The following KALRN variants were observed in gnomAD, a reference collection of about 807,000 sequenced individuals.
The protein encoded by KALRN is kalirin.
In KALRN, 70 loss-of-function variants were observed where a neutral mutation model predicts 353.7. That is an observed-to-expected ratio of 0.20 (90% CI 0.16 to 0.24). The LOEUF is 0.24. Ranked by LOEUF, KALRN falls within the 10% of genes least tolerant of loss-of-function variation. The pLI is 1.00. For synonymous variants in KALRN, 1,391 were observed against 1,434.8 expected (o/e 0.97, Z 0.69); for missense variants, 2,791 against 3,756.7 (o/e 0.74, Z 6.72).
intron 1 of KALRN, among the ~76,000 whole-genome samples, chr3:124,103,206 C>T (rs2062017117): frequency 6.6e-6 from 1 of 152,172 alleles, no homozygotes; most frequent in South Asian, 2.1e-4. Flanking sequence ...GTGAACTACC[C>T]AGGCAAGATG....
intron 7 of KALRN, among the ~76,000 whole-genome samples, chr3:124,326,980 T>C (rs1383075865): frequency 6.6e-6 from 1 of 152,218 alleles, no homozygotes; most frequent in African/African-American, 2.4e-5. Flanking sequence ...TTTTCTGTGG[T>C]GGAAATACCG....
chr3:124,292,674 G>A (rs529303934), intron 5 of KALRN, among the ~76,000 whole-genome samples: 35 of 152,246 alleles, frequency 2.3e-4, no homozygotes, highest in African/African-American at 4.3e-4. Context: ...GTGGGTGGGC[G>A]GTGGATGTGT....
chr3:124,386,625 T>C (rs1329960024), intron 11 of KALRN, among the ~76,000 whole-genome samples: 5 of 152,212 alleles, frequency 3.3e-5, no homozygotes, highest in African/African-American at 1.2e-4. Flanking sequence ...ATCTATAAAA[T>C]TATGCAGTTG....
chr3:124,641,451 T>A (rs2082034075), intron 37 of KALRN, among the ~76,000 whole-genome samples: 1 of 152,240 alleles, frequency 6.6e-6, no homozygotes, highest in Admixed American at 6.5e-5. Context: ...TCTAGACGTG[T>A]GGACTGTTGC....
intron 34 of KALRN, among the ~76,000 whole-genome samples, chr3:124,567,968 CTA>C (rs1561306989): frequency 6.6e-6 from 1 of 151,398 alleles, no homozygotes; most frequent in African/African-American, 2.4e-5. Context: ...GAGTGAGACT[CTA>C]TCTCAGGGGG....
intron 27 of KALRN, among the ~76,000 whole-genome samples, chr3:124,481,294 C>T (rs2061959407): frequency 6.6e-6 from 1 of 152,124 alleles, no homozygotes; most frequent in African/African-American, 2.4e-5. Context: ...GCAGCCTTGA[C>T]CTTCTGGGCT....
intron 1 of KALRN, among the ~76,000 whole-genome samples, chr3:124,069,249 A>G (rs550848856): frequency 3.4e-5 from 5 of 148,386 alleles, no homozygotes; most frequent in African/African-American, 1.0e-4. Context: ...CTATTTGTCT[A>G]TTTCTGTAGT....
At chr3:124,229,920 A>T (rs1161745299) in intron 2 of KALRN, among the ~76,000 whole-genome samples, 2 of 152,244 alleles carry the variant, frequency 1.3e-5, no homozygotes, top group Non-Finnish European at 2.9e-5. Context: ...GCCACTGAAG[A>T]TGTTGAACAG....
intron 34 of KALRN, among the ~76,000 whole-genome samples, chr3:124,590,316 C>T (rs2075648488): frequency 6.6e-6 from 1 of 152,122 alleles, no homozygotes; most frequent in African/African-American, 2.4e-5. Flanking sequence ...GAATATCCCT[C>T]CTGTGGTACA....
chr3:124,145,176 T>C (rs1472811318), intron 1 of KALRN, among the ~76,000 whole-genome samples: 1 of 152,164 alleles, frequency 6.6e-6, no homozygotes, highest in Non-Finnish European at 1.5e-5. Flanking sequence ...TAAGGCCATG[T>C]TCGCATTTGC....
intron 1 of KALRN, among the ~76,000 whole-genome samples, chr3:124,036,676 T>G (rs1440252586): frequency 6.6e-6 from 1 of 152,238 alleles, no homozygotes; most frequent in African/African-American, 2.4e-5. Context: ...CTGAGAAAGC[T>G]TCAAACAAAT....
At position 124,671,071 on chromosome 3, in the gene KALRN, C is replaced by G. The variant is rs1023373823; in HGVS notation, c.6704-589C>G. Among the ~76,000 whole-genome samples the G allele has an allele frequency of 2.6e-5, 4 of 152,324 alleles. No homozygotes were observed. The South Asian group carries it at 8.3e-4, about 32-fold the overall frequency. Reference sequence around the variant, plus strand: ...GCTTCTGAATTAGACAAGAAGCCTTCTGTCTCATCCTCTCCAGTCCCTCCT... The same window carrying G: ...GCTTCTGAATTAGACAAGAAGCCTTGTGTCTCATCCTCTCCAGTCCCTCCT... On this transcript the variant is annotated intron_variant, in intron 47 of 59. Coordinates refer to ENST00000682506, the MANE Select transcript of KALRN (RefSeq NM_001388419.1).
chr3:124,352,295 A>G (rs1293625379), intron 10 of KALRN, among the ~76,000 whole-genome samples: 1 of 152,196 alleles, frequency 6.6e-6, no homozygotes, highest in Non-Finnish European at 1.5e-5. Flanking sequence ...AATAGAATGT[A>G]GTACTGTTAT....
At chr3:124,391,207 T>C (rs2089321811) in intron 11 of KALRN, among the ~76,000 whole-genome samples, 1 of 151,040 alleles carries the variant, frequency 6.6e-6, no homozygotes, top group Non-Finnish European at 1.5e-5. Flanking sequence ...ACATATATTT[T>C]GATCAAGAAG....
intron 13 of KALRN, 125 bp downstream of exon 13, chr3:124,398,996 C>G (rs2150099498): frequency 2.1e-6 from 2 of 945,782 alleles, no homozygotes; most frequent in South Asian, 3.6e-5. Flanking sequence ...TTTTAGAACC[C>G]AAGAAATTCC....
chr3:124,241,891 G>A (rs2080490689), intron 3 of KALRN, among the ~76,000 whole-genome samples: 1 of 152,230 alleles, frequency 6.6e-6, no homozygotes, highest in African/African-American at 2.4e-5. Flanking sequence ...GAATGGGCCA[G>A]TCAGAGGGAA....
chr3:124,658,462 G>A lies in KALRN; in HGVS notation c.6068G>A (p.Cys2023Tyr). 6.2e-7 allele frequency: 1 copy of A among 1,614,094 alleles called. No individual in the cohort carries two copies. Among genetic ancestry groups the A allele is most frequent in the East Asian group, 2.2e-5 (1 of 44,882 alleles). Residue 2023 changes from cysteine (C) to tyrosine (Y), a missense_variant, in exon 42 of 60, where the codon TGT (cysteine) becomes TAT (tyrosine). By Grantham distance (194) the Cys-to-Tyr change is radical. Around this residue, in one of 11 missense-constraint regions of KALRN, gnomAD observed 1,065 missense variants for 1,156.4 expected, o/e 0.92. Transcript: ENST00000682506. ...ERKLHIYVWY[C>Y]QNKPRSEYIV... ...AAGCTGCACATCTACGTGTGGTATT[G>A]TCAGAATAAGCCGCGCTCAGAGTAC...
At chr3:124,060,271 G>A (rs1242216002) in intron 1 of KALRN, among the ~76,000 whole-genome samples, 1 of 152,212 alleles carries the variant, frequency 6.6e-6, no homozygotes, top group East Asian at 1.9e-4. Flanking sequence ...GTGGGGGCCA[G>A]ATGCTCCTGG....
At chr3:124,190,198 C>T (rs185672037) in intron 1 of KALRN, among the ~76,000 whole-genome samples, 2 of 152,228 alleles carry the variant, frequency 1.3e-5, no homozygotes, top group East Asian at 1.9e-4. Flanking sequence ...AGAGGACATT[C>T]GGATAGGCAA....
Sources: allele counts gnomAD v4.1 joint callset (sites outside exome capture counted in the v4.1 genomes callset), GRCh38; gene constraint gnomAD v4.1.1; regional missense constraint gnomAD v4.1.1; transcripts MANE v1.5; gene names NCBI Gene and HGNC (gene_info 2026-07-23, HGNC 2026-07-21).